The following SAXO2 variants were observed in gnomAD, a reference collection of about 807,000 sequenced individuals.
The protein encoded by SAXO2 is stabilizer of axonemal microtubules 2.
SAXO2 carries 17 observed loss-of-function variants against 18.7 expected under a neutral mutation model. That is an observed-to-expected ratio of 0.91 (90% CI 0.62 to 1.36). The LOEUF (loss-of-function observed/expected upper bound fraction) is 1.36. Ranked by LOEUF, SAXO2 falls within the 40% of genes most tolerant of loss-of-function variation. SAXO2 has a pLI of 0.00. For missense variants in SAXO2, 486 were observed against 562.6 expected (o/e 0.86, Z 1.38); for synonymous variants, 163 against 181.2 (o/e 0.90, Z 0.81).
Position 82,262,871 on chromosome 15 carries a change from G to C in SAXO2, c.-9G>C. ...AAGCTGCAAGTGCTGAGGCGCGGTGGAGGAAAGCATGGGAGCCAAGAGTAT... is the reference window on the plus strand; with the variant it reads ...AAGCTGCAAGTGCTGAGGCGCGGTGCAGGAAAGCATGGGAGCCAAGAGTAT... On this transcript the variant is annotated 5_prime_UTR_variant, in exon 1 of 4. Coordinates refer to ENST00000682753, the MANE Select transcript of SAXO2 (RefSeq NM_001348699.2). 1 of 1,589,468 alleles carries C rather than the reference G, an allele frequency of 6.3e-7. No individual in the cohort carries two copies. Among genetic ancestry groups the C allele is most frequent in the Non-Finnish European group, 8.6e-7 (1 of 1,168,268 alleles).
At chr15:82,266,291 T>C (rs1422737833) in intron 2 of SAXO2, among the ~76,000 whole-genome samples, 1 of 152,260 alleles carries the variant, frequency 6.6e-6, no homozygotes, top group Non-Finnish European at 1.5e-5. Flanking sequence ...AGTCACTTTC[T>C]AAGTATAATA....
chr15:82,264,846 A>C (rs1483775320), intron 1 of SAXO2: 1 of 657,220 alleles, frequency 1.5e-6, no homozygotes, highest in African/African-American at 1.8e-5. Context: ...TGTTGCCTCT[A>C]TTATGTTCCA....
intron 2 of SAXO2, among the ~76,000 whole-genome samples, chr15:82,270,296 A>G (rs919908339): frequency 7.9e-5 from 12 of 152,310 alleles, no homozygotes; most frequent in Middle Eastern, 3.4e-3. Context: ...CTACATAGGA[A>G]ACTGGAAAGA....
intron 3 of SAXO2, among the ~76,000 whole-genome samples, chr15:82,275,451 C>T (rs763326508): frequency 1.5e-4 from 22 of 149,944 alleles, no homozygotes; most frequent in Non-Finnish European, 2.8e-4. Context: ...ATCCTGATAA[C>T]CAAAATCTGA....
intron 3 of SAXO2, among the ~76,000 whole-genome samples, chr15:82,273,723 A>G (rs2075291833): frequency 6.6e-6 from 1 of 152,008 alleles, no homozygotes; most frequent in Non-Finnish European, 1.5e-5. Flanking sequence ...ATAATTGATG[A>G]AAATGAATTT....
intron 2 of SAXO2, among the ~76,000 whole-genome samples, chr15:82,266,842 C>G (rs552636844): frequency 6.6e-6 from 1 of 152,142 alleles, no homozygotes; most frequent in Admixed American, 6.5e-5. Context: ...TTTTAGAAAA[C>G]GAATACAATG....
intron 1 of SAXO2, chr15:82,264,571 G>C: frequency 5.8e-6 from 4 of 689,552 alleles, no homozygotes; most frequent in African/African-American, 3.5e-5. Flanking sequence ...CCTCTGGTTA[G>C]TCTAGGCAAA....
chr15:82,280,008 T>C (rs1457158720), intron 3 of SAXO2, among the ~76,000 whole-genome samples: 1 of 152,172 alleles, frequency 6.6e-6, no homozygotes, highest in Non-Finnish European at 1.5e-5. Flanking sequence ...CAAACTGTAT[T>C]GTTAGACATG....
intron 1 of SAXO2, chr15:82,265,026 A>G: frequency 2.2e-6 from 1 of 444,696 alleles, no homozygotes; most frequent in Non-Finnish European, 4.0e-6. Flanking sequence ...GTGTAAGAAG[A>G]CACTAAATTG....
chr15:82,262,965 G>A, intron 1 of SAXO2, 33 bp downstream of exon 1: 1 of 1,581,398 alleles, frequency 6.3e-7, no homozygotes, highest in Non-Finnish European at 8.6e-7. Flanking sequence ...GCGGGCCCGG[G>A]CTTGGGAGCC....
At position 82,265,771 on chromosome 15, in the gene SAXO2, CT is replaced by C. The variant is rs765464160; in HGVS notation, c.233+26del. 268 of 1,494,368 alleles carry C rather than the reference CT, an allele frequency of 1.8e-4. 1 individual carries two copies. Among genetic ancestry groups the C allele is most frequent in the Non-Finnish European group, 1.5e-4 (169 of 1,123,572 alleles). 92.6% of individuals were successfully genotyped at this position (1,494,368 alleles called of 1,614,324 possible). Reference sequence around the variant, plus strand: ...TAAGTAAATATTTAGTAACTATTTGCTTTACTTATTTTTCTCTCAACTCTTC... The same window carrying C: ...TAAGTAAATATTTAGTAACTATTTGCTTACTTATTTTTCTCTCAACTCTTC... On this transcript the variant is annotated intron_variant, in intron 2 of 3. Coordinates refer to ENST00000682753, the MANE Select transcript of SAXO2 (RefSeq NM_001348699.2).
At chr15:82,265,849 A>C (rs2075211985) in intron 2 of SAXO2, 101 bp downstream of exon 2, 5 of 796,588 alleles carry the variant, frequency 6.3e-6, no homozygotes, top group Non-Finnish European at 8.8e-6. Context: ...CAGTTGATTT[A>C]AGTTGAACCA....
rs915036138 is a variant in SAXO2 at position 82,265,645 on chromosome 15, G to C, written c.130G>C (p.Glu44Gln). ...GVFCPTTEYL[E>Q]KYPMYDNVLP... Reference sequence around the variant, plus strand: ...GTTTTGCCCTACAACTGAATATTTGGAAAAATATCCTATGTATGACAATGT... The same window carrying C: ...GTTTTGCCCTACAACTGAATATTTGCAAAAATATCCTATGTATGACAATGT... The change falls in exon 2 of 4, where the codon GAA becomes CAA. Residue 44 changes from glutamate to glutamine, a missense_variant. Glu to Gln is a conservative substitution (Grantham distance 29, BLOSUM62 2). Coordinates refer to ENST00000682753, the MANE Select transcript of SAXO2 (RefSeq NM_001348699.2). The C allele has an allele frequency of 2.7e-6, 4 of 1,483,160 alleles. No homozygotes were observed. The South Asian group carries it at 4.0e-5, about 15-fold the overall frequency. The allele number at this position is 1,483,160 out of a possible 1,614,324, so 91.9% of individuals were successfully genotyped here. A position where few individuals can be genotyped will look rare whatever the true frequency, so the allele number is the denominator to read the frequency against.
chr15:82,271,998 A>G (rs1052270373), intron 3 of SAXO2, 196 bp downstream of exon 3: 5 of 520,926 alleles, frequency 9.6e-6, no homozygotes, highest in African/African-American at 1.9e-5. Context: ...TTGAGTGGTA[A>G]AAGACCCACA....
At chr15:82,277,572 C>G (rs1270750331) in intron 3 of SAXO2, among the ~76,000 whole-genome samples, 1 of 152,066 alleles carries the variant, frequency 6.6e-6, no homozygotes, top group Non-Finnish European at 1.5e-5. Flanking sequence ...ATGCAGAAGG[C>G]TAGAAAGATT....
chr15:82,284,887 C>T lies in SAXO2; in HGVS notation c.*1825C>T, dbSNP rs181943163. The T allele has an allele frequency of 6.6e-6, 1 of 152,104 alleles. No homozygotes were observed. 9.4% of individuals were successfully genotyped at this position (152,104 alleles called of 1,614,324 possible). On this transcript the variant is annotated 3_prime_UTR_variant, in exon 4 of 4. Transcript: ENST00000682753. ...TGGTGTGTGAAACTATATTTCCATG[C>T]AACATAATAAAATCAATAAAAGGAA... is the stretch of plus-strand genomic sequence containing the variant.
chr15:82,275,602 G>A (rs552482053), intron 3 of SAXO2, among the ~76,000 whole-genome samples: 2 of 152,122 alleles, frequency 1.3e-5, no homozygotes, highest in Non-Finnish European at 2.9e-5. Flanking sequence ...TTTATTCCTG[G>A]TATGCAAGGA....
chr15:82,264,583 A>G (rs2075194121), intron 1 of SAXO2: 1 of 692,210 alleles, frequency 1.4e-6, no homozygotes, highest in Non-Finnish European at 2.6e-6. Context: ...CTAGGCAAAA[A>G]GGAATTTATT....
At chr15:82,266,842 C>T (rs552636844) in intron 2 of SAXO2, among the ~76,000 whole-genome samples, 30 of 152,260 alleles carry the variant, frequency 2.0e-4, no homozygotes, top group Admixed American at 1.0e-3. Context: ...TTTTAGAAAA[C>T]GAATACAATG....
Sources: allele counts gnomAD v4.1 joint callset (sites outside exome capture counted in the v4.1 genomes callset), GRCh38; gene constraint gnomAD v4.1.1; transcripts MANE v1.5; gene names NCBI Gene and HGNC (gene_info 2026-07-23, HGNC 2026-07-21).